GPR19: variants seen among roughly 807,000 people sequenced by gnomAD.
GPR19 encodes G protein-coupled receptor 19, also known as probable G protein-coupled receptor 19.
GPR19 carries 14 observed loss-of-function variants against 28.5 expected under a neutral mutation model. The ratio of observed to expected loss-of-function variants is 0.49; its 90% CI spans 0.32 to 0.77. The LOEUF is 0.77. GPR19 is among the 30% of genes least tolerant of loss of function. The probability of loss-of-function intolerance (pLI) is 0.03; values close to 1 mark genes in which losing one functional copy is unlikely to be tolerated. For synonymous variants in GPR19, 173 were observed against 184.1 expected, an observed-to-expected ratio of 0.94 and a Z score of 0.49; for missense variants, 409 against 504.1, an observed-to-expected ratio of 0.81 and a Z score of 1.81.
chr12:12,695,078 A>T (rs560873835), intron 2 of GPR19, among the ~76,000 whole-genome samples: 20 of 152,294 alleles, frequency 1.3e-4, no homozygotes, highest in Admixed American at 1.2e-3. Context: ...TTCCATATTT[A>T]GTTTTTCTTA....
In GPR19 at chr12:12,661,112, G is replaced by T; in HGVS notation, c.*89C>A. 2 of 890,862 alleles carry T rather than the reference G, an allele frequency of 2.2e-6. No individual in the cohort carries two copies. Among genetic ancestry groups the T allele is most frequent in the Non-Finnish European group, 3.3e-6 (2 of 600,880 alleles). The allele number at this position is 890,862 out of a possible 1,614,324, so 55.2% of individuals were successfully genotyped here. ...CAAAATAAAACATTTCCCTTGGAAA[G>T]TTGAGTGAAAACAAATATGTAAATA... On this transcript the variant is annotated 3_prime_UTR_variant, in exon 4 of 4. Coordinates refer to ENST00000651487, the MANE Select transcript of GPR19 (RefSeq NM_006143.3). This position sits in a 1 kb window ranked among gnomAD's most constrained non-coding sequence, Gnocchi z 4.2.
chr12:12,705,743 T>C, the GPR19 span, among the ~76,000 whole-genome samples: 2 of 152,090 alleles, frequency 1.3e-5, no homozygotes, highest in Non-Finnish European at 2.9e-5. Flanking sequence ...AGACACAGGG[T>C]TTCACTATGT....
intron 2 of GPR19, among the ~76,000 whole-genome samples, chr12:12,688,179 G>A (rs1399301696): frequency 6.6e-6 from 1 of 152,038 alleles, no homozygotes; most frequent in East Asian, 1.9e-4. Flanking sequence ...GAGAGTGGGA[G>A]GGGGGGTCAT....
rs572568258 is a variant in GPR19, at chr12:12,688,256, A to G, written c.-179-3749T>C. ...GACAAGCTGAAATTATGTGCCTAAC[A>G]TGAAATGATGTAACCTACTCAATGT... On this transcript the variant is annotated intron_variant, in intron 2 of 3. Transcript: ENST00000651487. Among the ~76,000 whole-genome samples, 5 of 152,364 alleles carry G rather than the reference A, an allele frequency of 3.3e-5. 1 individual carries two copies. The South Asian group carries it at 1.0e-3, about 32-fold the overall frequency.
chr12:12,667,481 A>G (rs1196129656), intron 3 of GPR19, among the ~76,000 whole-genome samples: 3 of 152,064 alleles, frequency 2.0e-5, no homozygotes, highest in African/African-American at 7.2e-5. Flanking sequence ...ACCTGAGGTC[A>G]GGAGTTCAAG....
the GPR19 span, among the ~76,000 whole-genome samples, chr12:12,706,171 C>T: frequency 6.6e-6 from 1 of 152,204 alleles, no homozygotes; most frequent in Admixed American, 6.5e-5. Flanking sequence ...CTCCTCTTAT[C>T]AAGTCATCAG....
the GPR19 span, among the ~76,000 whole-genome samples, chr12:12,711,498 A>T: frequency 6.6e-6 from 1 of 152,092 alleles, no homozygotes; most frequent in Non-Finnish European, 1.5e-5. Context: ...CTAGGCCTGG[A>T]AGACACATAC....
the GPR19 span, among the ~76,000 whole-genome samples, chr12:12,701,693 G>C: frequency 6.6e-6 from 1 of 152,138 alleles, no homozygotes; most frequent in Admixed American, 6.5e-5. Flanking sequence ...CACTGTGGGA[G>C]GCCAAGGCAG....
the GPR19 span, among the ~76,000 whole-genome samples, chr12:12,712,273 T>C: frequency 6.6e-6 from 1 of 152,244 alleles, no homozygotes; most frequent in Admixed American, 6.5e-5. Flanking sequence ...AGTGGGACTG[T>C]CTGCCCAGCT....
intron 3 of GPR19, among the ~76,000 whole-genome samples, chr12:12,673,580 G>A (rs1215122844): frequency 6.6e-6 from 1 of 152,202 alleles, no homozygotes; most frequent in Non-Finnish European, 1.5e-5. Flanking sequence ...GTTAGAGAAA[G>A]GTTCTCTGAA....
upstream of GPR19, chr12:12,696,233 C>CA (rs1461939174): frequency 2.6e-5 from 4 of 151,948 alleles, no homozygotes; most frequent in Non-Finnish European, 1.5e-5. Context: ...GACGCATGCG[C>CA]AAACGTGCAC....
the GPR19 span, among the ~76,000 whole-genome samples, chr12:12,706,227 T>A: frequency 6.6e-6 from 1 of 152,260 alleles, no homozygotes; most frequent in Admixed American, 6.5e-5. Context: ...GTGTTTATCT[T>A]ACTTGACCTA....
At chr12:12,675,457 A>C (rs1241653771) in intron 3 of GPR19, among the ~76,000 whole-genome samples, 1 of 152,190 alleles carries the variant, frequency 6.6e-6, no homozygotes, top group African/African-American at 2.4e-5. Flanking sequence ...TAATCCCTGG[A>C]ACCTGTGAAT....
Position 12,661,272 on chromosome 12 carries a change from A to G in GPR19, c.1177T>C (p.Phe393Leu). 1 of 1,613,712 alleles carries G rather than the reference A, an allele frequency of 6.2e-7. No homozygotes were observed. The highest frequency in any genetic ancestry group is 8.5e-7 in the Non-Finnish European group (1 of 1,179,694). ...TITKDSIYDSFDREAKEKKLA... is the reference protein window; with the variant it reads ...TITKDSIYDSLDREAKEKKLA... Reference sequence around the variant, plus strand: ...TTTTTTTCCTTGGCTTCTCTGTCAAATGAGTCATAGATCGAGTCTTTGGTA... The same window carrying G: ...TTTTTTTCCTTGGCTTCTCTGTCAAGTGAGTCATAGATCGAGTCTTTGGTA... The change falls in exon 4 of 4, where the codon TTT becomes CTT. Residue 393 changes from phenylalanine (F) to leucine (L), a missense_variant. Transcript: ENST00000651487. The surrounding 1 kb of genome is among the most constrained non-coding windows in gnomAD (Gnocchi z 4.2).
intron 3 of GPR19, among the ~76,000 whole-genome samples, chr12:12,675,176 C>A (rs1449570704): frequency 6.6e-6 from 1 of 152,090 alleles, no homozygotes; most frequent in Non-Finnish European, 1.5e-5. Context: ...GTCCTGGAAG[C>A]AATTCAGAGG....
chr12:12,672,527 A>G (rs1945868809), intron 3 of GPR19, among the ~76,000 whole-genome samples: 1 of 152,164 alleles, frequency 6.6e-6, no homozygotes, highest in African/African-American at 2.4e-5. Context: ...TGGGTGAATC[A>G]CTTGAGGTTA....
At chr12:12,685,333 A>G (rs2136332428) in intron 2 of GPR19, among the ~76,000 whole-genome samples, 1 of 145,900 alleles carries the variant, frequency 6.9e-6, no homozygotes, top group Non-Finnish European at 1.5e-5. Context: ...CCAAATATCT[A>G]TGCTTATGGG....
At chr12:12,717,035 C>T in the GPR19 span, 1 of 1,004,132 alleles carries the variant, frequency 1.0e-6, no homozygotes, top group Non-Finnish European at 1.2e-6. Flanking sequence ...GCTTAGGCGC[C>T]GCGGCGAACC....
At chr12:12,694,356 G>A (rs1276183243) in intron 2 of GPR19, among the ~76,000 whole-genome samples, 2 of 150,664 alleles carry the variant, frequency 1.3e-5, no homozygotes, top group African/African-American at 4.9e-5. Flanking sequence ...CCACCACCAC[G>A]CCCGGCTAAT....
Sources: allele counts gnomAD v4.1 joint callset (sites outside exome capture counted in the v4.1 genomes callset), GRCh38; gene constraint gnomAD v4.1.1; non-coding constraint Gnocchi (gnomAD v3.1); transcripts MANE v1.5; gene names NCBI Gene and HGNC (gene_info 2026-07-23, HGNC 2026-07-21).